EPHA1: variants seen among roughly 807,000 people sequenced by gnomAD.
EPHA1 encodes EPH receptor A1.
EPHA1 carries 92 observed loss-of-function variants against 110.1 expected under a neutral mutation model. That is an observed-to-expected ratio of 0.84 (90% CI 0.71 to 0.99). The LOEUF is 0.99. EPHA1 is among the 50% of genes least tolerant of loss of function. The pLI is 0.00. For missense variants in EPHA1, 1,204 were observed against 1,285.4 expected (o/e 0.94, Z 0.97); for synonymous variants, 500 against 516.1 (o/e 0.97, Z 0.42).
intron 15 of EPHA1, 41 bp downstream of exon 15, chr7:143,394,153 G>A (rs1805171732): frequency 3.8e-6 from 6 of 1,580,662 alleles, no homozygotes; most frequent in South Asian, 1.1e-5. Context: ...AATAAGAGGT[G>A]TGAATTGGAG....
At chr7:143,396,578 G>A in intron 10 of EPHA1, 68 bp from the exon 11 acceptor site, 6 of 1,569,108 alleles carry the variant, frequency 3.8e-6, no homozygotes, top group Non-Finnish European at 4.4e-6. Context: ...TCAGGAGAAG[G>A]GCCAGCAGCG....
At chr7:143,396,076 C>T (rs1384605889) in intron 11 of EPHA1, among the ~76,000 whole-genome samples, 2 of 152,210 alleles carry the variant, frequency 1.3e-5, no homozygotes, top group Non-Finnish European at 2.9e-5. Flanking sequence ...AACATCTGGA[C>T]CCTCAGCACA....
rs1184393283 is a variant in EPHA1 at position 143,395,104 on chromosome 7, T to A, written c.2145+17A>T. 6.2e-7 allele frequency: 1 copy of A among 1,613,998 alleles called. No individual in the cohort carries two copies. Among genetic ancestry groups the A allele is most frequent in the South Asian group, 1.1e-5 (1 of 91,070 alleles). ...ATGGTGCATCCCCCTCCCCAGCTAG[T>A]CCTCTGCCCTCCTCACCCTCAGGAA... On this transcript the variant is annotated intron_variant, in intron 13 of 17. Transcript: ENST00000275815. The surrounding 1 kb of genome is among the most constrained non-coding windows in gnomAD (Gnocchi z 4.7).
chr7:143,407,516 C>A, intron 2 of EPHA1, 95 bp downstream of exon 2: 1 of 1,229,700 alleles, frequency 8.1e-7, no homozygotes, highest in Non-Finnish European at 1.1e-6. Context: ...TCCAGTTTTT[C>A]CTGCTCTTTT....
chr7:143,397,102 C>G (rs1286334278), intron 10 of EPHA1, among the ~76,000 whole-genome samples: 1 of 152,156 alleles, frequency 6.6e-6, no homozygotes, highest in African/African-American at 2.4e-5. Context: ...GGGGGGCTAC[C>G]AGTACATAGT....
At chr7:143,391,863 G>T (rs1165999375) in intron 16 of EPHA1, 88 bp from the exon 17 acceptor site, 7 of 1,554,020 alleles carry the variant, frequency 4.5e-6, no homozygotes, top group Non-Finnish European at 6.1e-6. Flanking sequence ...CAGCACTGAA[G>T]TTCGGTGTCT....
In EPHA1 at chr7:143,398,943, G is replaced by C. The variant is rs781511591; in HGVS notation, c.994C>G (p.Pro332Ala). 18 of 1,595,608 alleles carry C rather than the reference G, an allele frequency of 1.1e-5. No individual in the cohort carries two copies. ...CTCAGGTTTCGGGGGGCCGAGGGGG[G>C]ACCTGTGGGAGAAGAGGAGCCATCA... ...GEGPQVACTG[P>A]PSAPRNLSFS... The change falls in exon 6 of 18, where the codon CCC (proline) becomes GCC (alanine). Residue 332 changes from proline to alanine, a missense_variant and splice_region_variant. Physicochemically the swap from Pro to Ala is conservative, Grantham distance 27 (BLOSUM62 -1). Transcript: ENST00000275815.
intron 5 of EPHA1, 29 bp downstream of exon 5, chr7:143,399,229 G>C (rs374359272): frequency 2.1e-4 from 332 of 1,597,640 alleles, no homozygotes; most frequent in Non-Finnish European, 2.6e-4. Context: ...CCTCCCTCCA[G>C]ATGGCCACGC....
rs1805636371 is a variant in EPHA1 at position 143,408,790 on chromosome 7, G to GC, written c.15dup (p.Pro6AlafsTer48). Reference sequence around the variant, plus strand: ...AGCAGCACCAGCCCTAGCCCCAGGGGCCAGCGCCGCTCCATAGCTCCGGGC... The same window carrying GC: ...AGCAGCACCAGCCCTAGCCCCAGGGGCCCAGCGCCGCTCCATAGCTCCGGGC... On this transcript the variant is annotated frameshift_variant, in exon 1 of 18. Coordinates refer to ENST00000275815, the MANE Select transcript of EPHA1 (RefSeq NM_005232.5). LOFTEE classifies it high-confidence loss of function. 8.3e-7 allele frequency: 1 copy of GC among 1,205,196 alleles called. No homozygotes were observed. The highest frequency in any genetic ancestry group is 1.0e-6 in the Non-Finnish European group (1 of 970,794). 74.7% of individuals were successfully genotyped at this position (1,205,196 alleles called of 1,614,324 possible).
intron 2 of EPHA1, among the ~76,000 whole-genome samples, chr7:143,403,508 T>G (rs1197542771): frequency 6.6e-6 from 1 of 152,242 alleles, no homozygotes; most frequent in Non-Finnish European, 1.5e-5. Context: ...TGTTGGACAT[T>G]TAGACAGCTT....
At chr7:143,408,650 G>C (rs1225223542) in intron 1 of EPHA1, 74 bp downstream of exon 1, 1 of 387,216 alleles carries the variant, frequency 2.6e-6, no homozygotes, top group East Asian at 3.7e-5. Context: ...GCCGGCTTCT[G>C]CAGGGGGGTG....
intron 2 of EPHA1, among the ~76,000 whole-genome samples, chr7:143,404,334 A>T (rs1011015724): frequency 6.6e-6 from 1 of 151,582 alleles, no homozygotes; most frequent in Non-Finnish European, 1.5e-5. Context: ...CTCCTGCTTC[A>T]GCCTCCCAAG....
chr7:143,391,305 G>T lies in EPHA1; in HGVS notation c.*152C>A. 1 of 866,786 alleles carries T rather than the reference G, an allele frequency of 1.2e-6. No individual in the cohort carries two copies. Among genetic ancestry groups the T allele is most frequent in the Non-Finnish European group, 1.8e-6 (1 of 561,186 alleles). 53.7% of individuals were successfully genotyped at this position (866,786 alleles called of 1,614,324 possible). On this transcript the variant is annotated 3_prime_UTR_variant, in exon 18 of 18. Transcript: ENST00000275815. ...TTTTAAAACAAAGAGGTTTTCTGGG[G>T]TGCAGAGCAGGGTTCTCCTGAAAGT...
At chr7:143,397,889 G>A in intron 8 of EPHA1, 31 bp downstream of exon 8, 1 of 1,611,098 alleles carries the variant, frequency 6.2e-7, no homozygotes, top group Non-Finnish European at 8.5e-7. Flanking sequence ...ACAGGTGTAT[G>A]TGTGTTGGGG....
intron 7 of EPHA1, 68 bp from the exon 8 acceptor site, chr7:143,398,138 C>A: frequency 6.3e-7 from 1 of 1,598,822 alleles, no homozygotes; most frequent in South Asian, 1.1e-5. Flanking sequence ...TGGACAGCAT[C>A]AGAGCACATG....
At position 143,395,583 on chromosome 7, in the gene EPHA1, T is replaced by G; in HGVS notation, c.1898-79A>C. The G allele has an allele frequency of 6.9e-7, 1 of 1,442,202 alleles. No individual in the cohort carries two copies. Among genetic ancestry groups the G allele is most frequent in the South Asian group, 1.2e-5 (1 of 81,568 alleles). The allele number at this position is 1,442,202 out of a possible 1,614,324, so 89.3% of individuals were successfully genotyped here. On this transcript the variant is annotated intron_variant, in intron 11 of 17. Coordinates refer to ENST00000275815, the MANE Select transcript of EPHA1 (RefSeq NM_005232.5). The surrounding 1 kb of genome is among the most constrained non-coding windows in gnomAD (Gnocchi z 4.7). ...GGACAGGCAGCAACCCCTCCAGTCCTCCGGCCCTTTTCTTTTCTGGAGAAT... is the reference window on the plus strand; with the variant it reads ...GGACAGGCAGCAACCCCTCCAGTCCGCCGGCCCTTTTCTTTTCTGGAGAAT...
rs1256271815 is a variant in EPHA1 at position 143,398,342 on chromosome 7, A to G, written c.1443T>C (p.Tyr481=). The change falls in exon 7 of 18, where the codon TAT becomes TAC. Residue 481 remains tyrosine (Y), a synonymous_variant. Coordinates refer to ENST00000275815, the MANE Select transcript of EPHA1 (RefSeq NM_005232.5). ...TGACCTGGTTCAGCACGTGCAGCTC[A>G]TAGGTCAGGTTCGCCCCAGGGCTTC... ...RPRSPGANLT[Y]ELHVLNQDEE... 2.5e-6 allele frequency: 4 copies of G among 1,614,088 alleles called. No individual in the cohort carries two copies. Among genetic ancestry groups the G allele is most frequent in the Non-Finnish European group, 3.4e-6 (4 of 1,179,976 alleles).
Position 143,399,671 on chromosome 7 carries a change from C to T in EPHA1, c.815G>A (p.Gly272Asp), listed in dbSNP as rs781744273. The T allele has an allele frequency of 6.2e-7, 1 of 1,613,570 alleles. No homozygotes were observed. Among genetic ancestry groups the T allele is most frequent in the Non-Finnish European group, 8.5e-7 (1 of 1,180,030 alleles). ...CHCEPGYEEGGSGEACVACPS... is the reference protein window; with the variant it reads ...CHCEPGYEEGDSGEACVACPS... ...CTTACCAACACATGCTTCGCCACTG[C>T]CACCTTCCTCATAGCCAGGCTCACA... Residue 272 changes from glycine to aspartate, a missense_variant, in exon 4 of 18, where the codon GGC (glycine) becomes GAC (aspartate). By Grantham distance (94) the Gly-to-Asp change is moderately conservative. Transcript: ENST00000275815.
In EPHA1 at chr7:143,398,814, C is replaced by G; in HGVS notation, c.1123G>C (p.Gly375Arg). 2 of 1,613,564 alleles carry G rather than the reference C, an allele frequency of 1.2e-6. No individual in the cohort carries two copies. Among genetic ancestry groups the G allele is most frequent in the South Asian group, 2.2e-5 (2 of 91,088 alleles). ...CAGGGCCCCCCGTCCTGTGCTGTGC[C>G]CTGACACTGGGAACACCTCACACTG... ...RYSVRCSQCQ[G>R]TAQDGGPCQP... The change falls in exon 6 of 18, where the codon GGC becomes CGC. Residue 375 changes from glycine (G) to arginine (R), a missense_variant. Gly to Arg is a moderately radical substitution (Grantham distance 125). Transcript: ENST00000275815.
Sources: gnomAD v4.1 joint callset for allele counts (sites outside exome capture counted in the v4.1 genomes callset) on GRCh38, gnomAD v4.1.1 for gene constraint, Gnocchi (gnomAD v3.1) non-coding constraint, MANE v1.5 for transcripts, NCBI Gene and HGNC (gene_info 2026-07-23, HGNC 2026-07-21) for gene names.